The following PCSK5 variants were observed in gnomAD, a reference collection of about 807,000 sequenced individuals.
PCSK5 encodes proprotein convertase subtilisin/kexin type 5.
Under a neutral mutation model 233.2 loss-of-function variants are expected in PCSK5, and 129 were observed. That is an observed-to-expected ratio of 0.55 (90% CI 0.48 to 0.64). PCSK5 has a LOEUF of 0.64. Among genes scored for constraint, PCSK5 ranks in the 30% least tolerant of loss-of-function variants. The pLI is 0.00. For missense variants in PCSK5, 2,076 were observed against 2,430.1 expected, an observed-to-expected ratio of 0.85 and a Z score of 3.06; for synonymous variants, 825 against 879.2, an observed-to-expected ratio of 0.94 and a Z score of 1.09.
intron 8 of PCSK5, among the ~76,000 whole-genome samples, chr9:76,099,144 T>C (rs773720423): frequency 2.6e-5 from 4 of 152,218 alleles, no homozygotes; most frequent in Non-Finnish European, 5.9e-5. Context: ...TGTGAGATTA[T>C]ATTAGTAAAT....
At chr9:76,087,929 C>A (rs1316746360) in intron 7 of PCSK5, among the ~76,000 whole-genome samples, 5 of 152,172 alleles carry the variant, frequency 3.3e-5, no homozygotes, top group Non-Finnish European at 7.3e-5. Flanking sequence ...AGGTTACTAT[C>A]CACAAAAGCC....
At chr9:76,160,253 T>G (rs1350970003) in intron 12 of PCSK5, among the ~76,000 whole-genome samples, 1 of 152,168 alleles carries the variant, frequency 6.6e-6, no homozygotes, top group Non-Finnish European at 1.5e-5. Flanking sequence ...GCTGAGACAA[T>G]GTGGCCAGAA....
intron 18 of PCSK5, among the ~76,000 whole-genome samples, chr9:76,188,881 G>T (rs1246722915): frequency 6.6e-6 from 1 of 152,246 alleles, no homozygotes; most frequent in Non-Finnish European, 1.5e-5. Context: ...ACATAGCCCA[G>T]TGATAGCTCC....
At position 76,308,418 on chromosome 9, in the gene PCSK5, T is replaced by C. The variant is rs562388927; in HGVS notation, c.3605-227T>C. On this transcript the variant is annotated intron_variant, in intron 28 of 37. Transcript: ENST00000674117. Reference sequence around the variant, plus strand: ...CTTGTGGTACCACACATTCGTGTGGTATCTTTCTTGATAATCAATTGCAAA... The same window carrying C: ...CTTGTGGTACCACACATTCGTGTGGCATCTTTCTTGATAATCAATTGCAAA... Among the ~76,000 whole-genome samples the C allele has an allele frequency of 4.6e-5, 7 of 152,354 alleles. No homozygotes were observed. In the East Asian group the frequency reaches 1.3e-3, roughly 29 times the overall value.
intron 12 of PCSK5, among the ~76,000 whole-genome samples, chr9:76,160,072 C>T (rs1199337396): frequency 1.3e-5 from 2 of 152,068 alleles, no homozygotes; most frequent in African/African-American, 2.4e-5. Context: ...CCATCCGCCT[C>T]GGCCTCCCAA....
At chr9:76,111,667 C>CTTAAAT (rs1832221896) in intron 9 of PCSK5, among the ~76,000 whole-genome samples, 2 of 151,750 alleles carry the variant, frequency 1.3e-5, no homozygotes, top group Non-Finnish European at 1.5e-5. Flanking sequence ...ATCATTTGGG[C>CTTAAAT]GATTGCTGCT....
At chr9:76,188,995 T>C in intron 18 of PCSK5, 99 bp from the exon 19 acceptor site, 1 of 1,038,774 alleles carries the variant, frequency 9.6e-7, no homozygotes, top group Non-Finnish European at 1.4e-6. Context: ...AAATTATTAT[T>C]CTTTGACGCC....
intron 1 of PCSK5, among the ~76,000 whole-genome samples, chr9:75,914,320 C>T (rs1822886335): frequency 6.6e-6 from 1 of 152,102 alleles, no homozygotes; most frequent in South Asian, 2.1e-4. Flanking sequence ...CCTTTTGCCC[C>T]CACAGCACCA....
At chr9:75,974,974 C>G (rs1303863346) in intron 2 of PCSK5, among the ~76,000 whole-genome samples, 1 of 152,246 alleles carries the variant, frequency 6.6e-6, no homozygotes, top group South Asian at 2.1e-4. Context: ...TAGAGCTTGC[C>G]AACATAACAA....
chr9:76,179,998 C>T (rs1252178011), intron 15 of PCSK5, among the ~76,000 whole-genome samples: 1 of 72,072 alleles, frequency 1.4e-5, no homozygotes, highest in Non-Finnish European at 2.6e-5. Flanking sequence ...CCCCTCCAGA[C>T]CTTTCTTTTT....
At chr9:76,252,314 G>C (rs987328578) in intron 24 of PCSK5, among the ~76,000 whole-genome samples, 1 of 152,000 alleles carries the variant, frequency 6.6e-6, no homozygotes, top group Non-Finnish European at 1.5e-5. Flanking sequence ...ATAAAGAAAG[G>C]CTTCTTTTCT....
At chr9:75,932,635 G>T in intron 2 of PCSK5, 152 bp downstream of exon 2, 1 of 606,406 alleles carries the variant, frequency 1.6e-6, no homozygotes, top group South Asian at 2.2e-5. Context: ...TTCCTCTTTA[G>T]ACAAAACTAG....
At chr9:75,943,842 A>G (rs981511995) in intron 2 of PCSK5, among the ~76,000 whole-genome samples, 6 of 152,196 alleles carry the variant, frequency 3.9e-5, no homozygotes, top group African/African-American at 1.4e-4. Context: ...ATAAATTTAT[A>G]CATTCAGGTA....
intron 9 of PCSK5, among the ~76,000 whole-genome samples, chr9:76,124,180 A>G (rs1333441667): frequency 6.6e-6 from 1 of 152,120 alleles, no homozygotes; most frequent in Non-Finnish European, 1.5e-5. Context: ...GCTTCTTACT[A>G]GTTACACGGC....
chr9:76,213,622 T>C (rs968770298), intron 20 of PCSK5, among the ~76,000 whole-genome samples: 4 of 152,116 alleles, frequency 2.6e-5, no homozygotes, highest in Non-Finnish European at 5.9e-5. Flanking sequence ...CAGGGTGATC[T>C]TCACCAAAGT....
chr9:76,189,760 C>T lies in PCSK5; in HGVS notation c.2626+14C>T, dbSNP rs1355037300. ...TTTGCAAGGATGGTGAGTACAACTG[C>T]CCATATCGATCTTATGAAGCAAAGT... On this transcript the variant is annotated intron_variant, in intron 20 of 37. Coordinates refer to ENST00000674117, the MANE Select transcript of PCSK5 (RefSeq NM_001372043.1). 3.1e-6 allele frequency: 4 copies of T among 1,290,174 alleles called. No homozygotes were observed. Among genetic ancestry groups the T allele is most frequent in the Admixed American group, 3.5e-5 (2 of 57,468 alleles). 79.9% of individuals were successfully genotyped at this position (1,290,174 alleles called of 1,614,324 possible).
At chr9:76,347,420 TCA>T (rs1830007445) in intron 35 of PCSK5, among the ~76,000 whole-genome samples, 1 of 152,156 alleles carries the variant, frequency 6.6e-6, no homozygotes, top group Non-Finnish European at 1.5e-5. Context: ...CTTCTGGAAA[TCA>T]ACAAACTGCC....
intron 1 of PCSK5, among the ~76,000 whole-genome samples, chr9:75,928,638 T>TATATATATATATATATATAA (rs1491404962): frequency 7.8e-6 from 1 of 128,586 alleles, no homozygotes; most frequent in African/African-American, 2.9e-5. Context: ...TATATATATA[T>TATATATATATATATATATAA]AATCCTAGAA....
rs868086510 is a variant in PCSK5, at chr9:76,040,365, C to G, written c.632+13328C>G. On this transcript the variant is annotated intron_variant, in intron 5 of 37. Coordinates refer to ENST00000674117, the MANE Select transcript of PCSK5 (RefSeq NM_001372043.1). ...TCTCTCTCTCTCTCTCTCTCTCTCT[C>G]TCTCTCTCTCTCTCTCTCTGTCTCT... Among the ~76,000 whole-genome samples the G allele has an allele frequency of 9.7e-4, 63 of 65,010 alleles. 1 individual carries two copies. The South Asian group carries it at 0.012, about 12-fold the overall frequency. The allele number at this position is 65,010 out of a possible 152,430, so 42.6% of individuals were successfully genotyped here.
Sources: gnomAD v4.1 joint callset for allele counts (sites outside exome capture counted in the v4.1 genomes callset) on GRCh38, gnomAD v4.1.1 for gene constraint, MANE v1.5 for transcripts, NCBI Gene and HGNC (gene_info 2026-07-23, HGNC 2026-07-21) for gene names.